Variants in EVI5 observed in about 807,000 individuals in gnomAD.
EVI5 encodes the protein ecotropic viral integration site 5.
Under a neutral mutation model 112.0 loss-of-function variants are expected in EVI5, and 73 were observed. That is an observed-to-expected ratio of 0.65 (90% CI 0.54 to 0.79). EVI5 has a LOEUF of 0.79. Among genes scored for constraint, EVI5 ranks in the 30% least tolerant of loss-of-function variants. The pLI, the probability that EVI5 is intolerant of heterozygous loss-of-function variation, is 0.00. For synonymous variants in EVI5, 305 were observed against 319.9 expected (o/e 0.95, Z 0.50); for missense variants, 900 against 968.8 (o/e 0.93, Z 0.94).
chr1:92,788,476 A>AAAAACAAAAC (rs542746642), upstream of EVI5, among the ~76,000 whole-genome samples: 223 of 147,382 alleles, frequency 1.5e-3, 1 homozygote, highest in African/African-American at 4.9e-3. Flanking sequence ...ACTCCATCTC[A>AAAAACAAAAC]AAAACAAAAC....
At chr1:92,628,142 T>C (rs530581821) in intron 14 of EVI5, among the ~76,000 whole-genome samples, 5 of 152,202 alleles carry the variant, frequency 3.3e-5, no homozygotes, top group East Asian at 1.9e-4. Context: ...CTTTTGAGAA[T>C]TGTCTATTCA....
intron 1 of EVI5, 144 bp downstream of exon 1, chr1:92,784,692 G>C: frequency 2.1e-6 from 1 of 485,876 alleles, no homozygotes; most frequent in African/African-American, 2.1e-5. Context: ...CCCTGGCGGG[G>C]CCAGGCGCGC....
chr1:92,666,657 GAGGAAAAAGAAA>G (rs1320676364), intron 10 of EVI5, among the ~76,000 whole-genome samples: 16 of 150,994 alleles, frequency 1.1e-4, no homozygotes, highest in Admixed American at 8.6e-4. Flanking sequence ...GGAAAGGAAA[GAGGAAAAAGAAA>G]AGGAAAAAGA....
At position 92,515,327 on chromosome 1, in the gene EVI5, A is replaced by T. The variant is rs192675163; in HGVS notation, c.2167-1357T>A. Among the ~76,000 whole-genome samples, 5 of 152,260 alleles carry T rather than the reference A, an allele frequency of 3.3e-5. No homozygotes were observed. The East Asian group carries it at 9.6e-4, about 29-fold the overall frequency. ...CAAAACCAGTTTTATCAGAATTAAA[A>T]CTGATTTATTTTCATCATCTGCCAC... On this transcript the variant is annotated intron_variant, in intron 19 of 19. Coordinates refer to ENST00000684568, the MANE Select transcript of EVI5 (RefSeq NM_001350197.2).
intron 2 of EVI5, among the ~76,000 whole-genome samples, 168 bp downstream of exon 2, chr1:92,736,230 A>C (rs1310609371): frequency 6.6e-6 from 1 of 152,134 alleles, no homozygotes; most frequent in Non-Finnish European, 1.5e-5. Flanking sequence ...CCAGAAGAAA[A>C]TGTTAGTCTC....
chr1:92,607,486 T>A (rs1650679334), intron 17 of EVI5, 95 bp downstream of exon 17: 2 of 900,868 alleles, frequency 2.2e-6, no homozygotes, highest in Non-Finnish European at 3.1e-6. Context: ...AGCTTTTTTG[T>A]TTTGTTTTTA....
chr1:92,589,856 G>C (rs976528031), intron 18 of EVI5, among the ~76,000 whole-genome samples: 1 of 151,936 alleles, frequency 6.6e-6, no homozygotes, highest in Non-Finnish European at 1.5e-5. Flanking sequence ...CTAACTGAGA[G>C]GCACCCCCCC....
intron 19 of EVI5, among the ~76,000 whole-genome samples, chr1:92,527,894 T>C (rs964478358): frequency 6.6e-6 from 1 of 152,186 alleles, no homozygotes; most frequent in African/African-American, 2.4e-5. Context: ...ATTTGGGTTG[T>C]CTCCAATCTA....
rs112337081 is a variant in EVI5, at chr1:92,653,373, C to A, written c.1392+9346G>T. On this transcript the variant is annotated intron_variant, in intron 13 of 19. Transcript: ENST00000684568. ...GGGACAAAGGAAACCAGAACACATA[C>A]TTTCCTGTGCCCAAGAGCTCACCAC... 8.5e-4 allele frequency among the ~76,000 whole-genome samples: 130 copies of A among 152,386 alleles called. 2 individuals carry two copies. The highest frequency in any genetic ancestry group is 3.0e-3 in the African/African-American group (125 of 41,594).
intron 18 of EVI5, among the ~76,000 whole-genome samples, chr1:92,591,439 A>C (rs541372722): frequency 2.6e-5 from 4 of 152,274 alleles, no homozygotes; most frequent in Middle Eastern, 3.4e-3. Flanking sequence ...AATGGAAAAC[A>C]AAAAAAGGCA....
chr1:92,707,179 C>CAAAAAAAA (rs1299441165), intron 2 of EVI5, among the ~76,000 whole-genome samples: 230 of 25,870 alleles, frequency 8.9e-3, no homozygotes, highest in Non-Finnish European at 0.01. Context: ...AACTCTGTCT[C>CAAAAAAAA]AAAAAAAAAA....
At chr1:92,644,225 C>T (rs1159235364) in intron 13 of EVI5, among the ~76,000 whole-genome samples, 2 of 152,146 alleles carry the variant, frequency 1.3e-5, no homozygotes, top group Admixed American at 6.5e-5. Flanking sequence ...TATCATGTGC[C>T]TTCCTGATTT....
At chr1:92,783,734 C>T (rs1685197372) in intron 1 of EVI5, among the ~76,000 whole-genome samples, 1 of 147,232 alleles carries the variant, frequency 6.8e-6, no homozygotes, top group African/African-American at 2.5e-5. Flanking sequence ...ATTGCTTAAA[C>T]GCAGGAGGTG....
upstream of EVI5, among the ~76,000 whole-genome samples, chr1:92,786,685 G>A (rs1466927912): frequency 1.3e-5 from 2 of 152,132 alleles, no homozygotes; most frequent in Admixed American, 6.5e-5. Flanking sequence ...AACAGGCAGA[G>A]TGACTTTTTC....
At chr1:92,690,518 C>T (rs1669320511) in intron 9 of EVI5, among the ~76,000 whole-genome samples, 1 of 147,720 alleles carries the variant, frequency 6.8e-6, no homozygotes, top group Non-Finnish European at 1.5e-5. Flanking sequence ...AATTTTTGGT[C>T]TTTTTTTTTT....
intron 9 of EVI5, 60 bp downstream of exon 9, chr1:92,693,740 CTG>C (rs1669859999): frequency 1.2e-6 from 1 of 856,638 alleles, no homozygotes. Context: ...AGGAGGAAAA[CTG>C]TATCACTAGA....
upstream of EVI5, among the ~76,000 whole-genome samples, chr1:92,785,319 C>T (rs1685504932): frequency 6.6e-6 from 1 of 152,218 alleles, no homozygotes; most frequent in African/African-American, 2.4e-5. Flanking sequence ...CTTCCCCGGC[C>T]ACTGGAACCG....
chr1:92,677,261 C>T (rs750705720), intron 9 of EVI5, 43 bp from the exon 10 acceptor site: 3 of 1,099,642 alleles, frequency 2.7e-6, no homozygotes, highest in South Asian at 2.9e-5. Context: ...TGTTTTCATT[C>T]AAAAGTAGTT....
intron 18 of EVI5, among the ~76,000 whole-genome samples, chr1:92,604,620 A>C (rs1012103612): frequency 6.6e-6 from 1 of 152,230 alleles, no homozygotes; most frequent in African/African-American, 2.4e-5. Flanking sequence ...ATATTAGTAT[A>C]GCAAAACAAC....
Sources: gnomAD v4.1 joint callset for allele counts (sites outside exome capture counted in the v4.1 genomes callset) on GRCh38, gnomAD v4.1.1 for gene constraint, MANE v1.5 for transcripts, NCBI Gene and HGNC (gene_info 2026-07-23, HGNC 2026-07-21) for gene names.